Variants in UBR2 observed in about 807,000 individuals in gnomAD.
UBR2 encodes the protein E3 ubiquitin-protein ligase UBR2.
In UBR2, 92 loss-of-function variants were observed where a neutral mutation model predicts 247.9. The ratio of observed to expected loss-of-function variants is 0.37; its 90% CI spans 0.31 to 0.44. The LOEUF (loss-of-function observed/expected upper bound fraction) is 0.44, where lower values mean the gene tolerates loss of function less well. Ranked by LOEUF, UBR2 falls within the 20% of genes least tolerant of loss-of-function variation. UBR2 has a pLI of 1.00. For synonymous variants in UBR2, 672 were observed against 693.5 expected, an observed-to-expected ratio of 0.97 and a Z score of 0.49; for missense variants, 1,613 against 2,112.6, an observed-to-expected ratio of 0.76 and a Z score of 4.64.
chr6:42,578,928 A>C (rs1582437433), intron 2 of UBR2, among the ~76,000 whole-genome samples: 2 of 151,368 alleles, frequency 1.3e-5, no homozygotes, highest in East Asian at 3.9e-4. Context: ...ATGCCATTGC[A>C]CTCCAGCCTG....
In UBR2 at chr6:42,635,495, A is replaced by G. The variant is rs201330937; in HGVS notation, c.1623A>G (p.Gln541=). The G allele has an allele frequency of 5.3e-5, 86 of 1,613,576 alleles. No homozygotes were observed. The highest frequency in any genetic ancestry group is 6.8e-5 in the Non-Finnish European group (80 of 1,179,688). Residue 541 remains glutamine (Q), a synonymous_variant, in exon 14 of 47, where the codon CAA becomes CAG. Transcript: ENST00000372901. ...AGTGGGAAGCAGCCTTCACACTACA[A>G]ATGAAATTAACACATGTCATTTCAA... The part of the protein sequence containing the change: ...EPEWEAAFTL[Q]MKLTHVISMM...
intron 2 of UBR2, 22 bp from the exon 3 acceptor site, chr6:42,592,129 T>C: frequency 6.8e-6 from 4 of 590,958 alleles, no homozygotes; most frequent in East Asian, 5.9e-5. Context: ...GACACTTTGA[T>C]TTTTTTTTTT....
At chr6:42,602,158 C>T (rs917726977) in intron 4 of UBR2, among the ~76,000 whole-genome samples, 10 of 150,910 alleles carry the variant, frequency 6.6e-5, no homozygotes, top group South Asian at 2.1e-4. Flanking sequence ...CGTGAGCCAC[C>T]GTGCCCGGCC....
rs1296746615 is a variant in UBR2, at chr6:42,632,056, T to TA, written c.1282-482dup. 2.2e-3 allele frequency among the ~76,000 whole-genome samples: 282 copies of TA among 126,922 alleles called. 2 individuals are homozygous for TA. Among genetic ancestry groups the TA allele is most frequent in the African/African-American group, 6.8e-3 (219 of 32,302 alleles). 83.3% of individuals were successfully genotyped at this position (126,922 alleles called of 152,430 possible). A position where few individuals can be genotyped will look rare whatever the true frequency, so the allele number is the denominator to read the frequency against. ...TATGATTTACATGTATTTGCTTATT[T>TA]AAAAAAAAAAAAAATATATATATAT... is the stretch of plus-strand genomic sequence containing the variant. On this transcript the variant is annotated intron_variant, in intron 11 of 46. Transcript: ENST00000372901.
At chr6:42,653,116 T>G (rs1797216785) in intron 25 of UBR2, among the ~76,000 whole-genome samples, 1 of 152,106 alleles carries the variant, frequency 6.6e-6, no homozygotes. Flanking sequence ...GGATCTAGCT[T>G]TGTCACCCAG....
At position 42,652,058 on chromosome 6, in the gene UBR2, T is replaced by C; in HGVS notation, c.2601T>C (p.Asn867=). ...EEAQRKLKRQ[N]REDTALPPPV... ...CGCAACGGAAATTGAAAAGACAAAA[T>C]AGAGAAGATACAGGTATTTTTAATC... Residue 867 remains asparagine, a synonymous_variant, in exon 24 of 47, where the codon AAT becomes AAC. Transcript: ENST00000372901. The C allele has an allele frequency of 6.3e-7, 1 of 1,589,932 alleles. No individual in the cohort carries two copies. Among genetic ancestry groups the C allele is most frequent in the African/African-American group, 1.4e-5 (1 of 73,112 alleles).
At chr6:42,629,302 C>A (rs1380746964) in intron 11 of UBR2, among the ~76,000 whole-genome samples, 1 of 149,832 alleles carries the variant, frequency 6.7e-6, no homozygotes, top group Non-Finnish European at 1.5e-5. Flanking sequence ...CAGGCGTGAG[C>A]CACTGTGCCC....
chr6:42,631,863 TATATATA>T (rs752951133), intron 11 of UBR2, among the ~76,000 whole-genome samples: 33,222 of 89,714 alleles, frequency 0.37, 4,739 homozygotes, highest in East Asian at 0.54. Context: ...TCTGATTTTA[TATATATA>T]TATATATATA....
intron 32 of UBR2, 122 bp downstream of exon 32, chr6:42,663,541 A>G (rs1797940600): frequency 9.9e-7 from 1 of 1,014,624 alleles, no homozygotes. Flanking sequence ...ATACTTTCCA[A>G]ACTCTAATCA....
intron 34 of UBR2, among the ~76,000 whole-genome samples, chr6:42,667,302 C>T (rs925463318): frequency 6.6e-6 from 1 of 151,144 alleles, no homozygotes; most frequent in African/African-American, 2.4e-5. Flanking sequence ...TGCCACTGCT[C>T]TCCAGCCTGG....
chr6:42,600,820 A>G (rs1269216989), intron 4 of UBR2, among the ~76,000 whole-genome samples: 1 of 151,390 alleles, frequency 6.6e-6, no homozygotes, highest in Non-Finnish European at 1.5e-5. Context: ...ACTCTCTGCT[A>G]ATTTTTAAAT....
At chr6:42,583,822 CCTCT>C (rs545204921) in intron 2 of UBR2, among the ~76,000 whole-genome samples, 103 of 151,850 alleles carry the variant, frequency 6.8e-4, no homozygotes, top group African/African-American at 2.4e-3. Context: ...CCGCGCCCGG[CCTCT>C]CTCTCTAATT....
intron 2 of UBR2, 124 bp downstream of exon 2, chr6:42,574,117 C>T (rs1450381843): frequency 1.1e-6 from 1 of 903,482 alleles, no homozygotes; most frequent in Non-Finnish European, 1.5e-6. Context: ...ATCTGTATTA[C>T]AAATACATGC....
intron 10 of UBR2, chr6:42,617,152 T>A: frequency 2.5e-6 from 3 of 1,182,572 alleles, no homozygotes; most frequent in Non-Finnish European, 2.5e-6. Context: ...TGTTATCTTC[T>A]TGACTTCCTC....
intron 25 of UBR2, among the ~76,000 whole-genome samples, chr6:42,653,362 C>T (rs146674836): frequency 6.2e-4 from 95 of 152,208 alleles, no homozygotes; most frequent in African/African-American, 1.9e-3. Context: ...GGATTACATG[C>T]GTGAGCCACT....
intron 2 of UBR2, among the ~76,000 whole-genome samples, chr6:42,586,538 C>CTTTTTTTTTTTTTTTTTTTTGTTTTTT (rs1792285238): frequency 1.0e-5 from 1 of 97,256 alleles, no homozygotes. Context: ...GTTTGTCTCT[C>CTTTTTTTTTTTTTTTTTTTTGTTTTTT]TTTTTTTTTT....
intron 1 of UBR2, among the ~76,000 whole-genome samples, chr6:42,569,638 C>A (rs1336864340): frequency 6.6e-6 from 1 of 152,088 alleles, no homozygotes; most frequent in Admixed American, 6.6e-5. Flanking sequence ...TTATGATTAA[C>A]TTACATGTTG....
Position 42,666,209 on chromosome 6 carries a change from A to G in UBR2, c.3845A>G (p.Gln1282Arg). ...AATTCAGAAAATGTGGATGAATTAC[A>G]GCTCCCTGAAGGGTTCAGGCCTGAT... ...TKNSENVDEL[Q>R]LPEGFRPDFR... The change falls in exon 34 of 47, where the codon CAG becomes CGG. Residue 1282 changes from glutamine to arginine, a missense_variant. By Grantham distance (43) the Gln-to-Arg change is conservative. Transcript: ENST00000372901. 3 of 1,613,022 alleles carry G rather than the reference A, an allele frequency of 1.9e-6. No individual in the cohort carries two copies. Among genetic ancestry groups the G allele is most frequent in the Non-Finnish European group, 2.5e-6 (3 of 1,179,440 alleles).
In UBR2 at chr6:42,573,869, C is replaced by T; in HGVS notation, c.214C>T (p.Pro72Ser). 1 of 1,614,006 alleles carries T rather than the reference C, an allele frequency of 6.2e-7. No individual in the cohort carries two copies. ...DMLAQHVLLG[P>S]MEWYLCGEDP... is the part of the protein sequence containing the mutation. ...GCTGGCACAGCATGTTTTGTTGGGA[C>T]CAATGGAATGGTACCTTTGTGGTGA... Residue 72 changes from proline (P) to serine (S), a missense_variant, in exon 2 of 47, where the codon CCA becomes TCA. Around this residue, in one of 3 missense-constraint regions of UBR2, gnomAD observed 1,524 missense variants for 1,967.3 expected, o/e 0.77. Transcript: ENST00000372901.
Sources: allele counts gnomAD v4.1 joint callset (sites outside exome capture counted in the v4.1 genomes callset), GRCh38; gene constraint gnomAD v4.1.1; regional missense constraint gnomAD v4.1.1; transcripts MANE v1.5; gene names NCBI Gene and HGNC (gene_info 2026-07-23, HGNC 2026-07-21).